Variants in MYT1L observed in about 807,000 individuals in gnomAD.
MYT1L encodes the protein myelin transcription factor 1 like, also known as myelin transcription factor 1-like protein.
Under a neutral mutation model 126.7 loss-of-function variants are expected in MYT1L, and 12 were observed. The observed-to-expected ratio is 0.09, with a 90% confidence interval of 0.06 to 0.15. The LOEUF (loss-of-function observed/expected upper bound fraction) is 0.15. Ranked by LOEUF, MYT1L falls within the 10% of genes least tolerant of loss-of-function variation. MYT1L has a pLI of 1.00. For synonymous variants in MYT1L, 541 were observed against 604.2 expected, an observed-to-expected ratio of 0.90 and a Z score of 1.53; for missense variants, 979 against 1,585.2, an observed-to-expected ratio of 0.62 and a Z score of 6.49.
At chr2:2,153,259 C>T (rs61549784) in intron 3 of MYT1L, among the ~76,000 whole-genome samples, 4,754 of 152,150 alleles carry the variant, frequency 0.031, 258 homozygotes, top group African/African-American at 0.1. Flanking sequence ...CGAGACCCTG[C>T]CTCAAAAAAC....
At chr2:2,008,106 C>CT (rs1345016024) in intron 4 of MYT1L, among the ~76,000 whole-genome samples, 1 of 152,212 alleles carries the variant, frequency 6.6e-6, no homozygotes, top group Non-Finnish European at 1.5e-5. Context: ...ATAGATGACT[C>CT]TGTCACTCCT....
chr2:1,981,170 C>T (rs946863474), intron 5 of MYT1L, among the ~76,000 whole-genome samples: 4 of 152,242 alleles, frequency 2.6e-5, no homozygotes, highest in Admixed American at 1.3e-4. Context: ...ATGTTTATAG[C>T]AACTAACCAG....
At chr2:2,238,956 A>G (rs1221969773) in intron 2 of MYT1L, among the ~76,000 whole-genome samples, 2 of 152,218 alleles carry the variant, frequency 1.3e-5, no homozygotes, top group South Asian at 2.1e-4. Context: ...GCCTGCACAA[A>G]GAGTGAGAAC....
At chr2:2,328,080 A>G (rs2149740449) in intron 1 of MYT1L, among the ~76,000 whole-genome samples, 1 of 152,322 alleles carries the variant, frequency 6.6e-6, no homozygotes, top group Non-Finnish European at 1.5e-5. Flanking sequence ...AAAAATTATA[A>G]ATGTAAAGTA....
At chr2:2,288,961 C>T (rs1313667777) in intron 1 of MYT1L, among the ~76,000 whole-genome samples, 2 of 152,178 alleles carry the variant, frequency 1.3e-5, no homozygotes, top group Non-Finnish European at 2.9e-5. Flanking sequence ...AGATAATTAT[C>T]CTGTTAAAAA....
chr2:2,076,894 A>G (rs999064569), intron 3 of MYT1L, among the ~76,000 whole-genome samples: 2 of 152,184 alleles, frequency 1.3e-5, no homozygotes, highest in African/African-American at 4.8e-5. Context: ...ACTTTAAACT[A>G]ATTATTATAA....
chr2:2,164,414 G>A (rs1299263957), intron 3 of MYT1L, among the ~76,000 whole-genome samples: 1 of 152,132 alleles, frequency 6.6e-6, no homozygotes, highest in Non-Finnish European at 1.5e-5. Flanking sequence ...CTGTTTGGAT[G>A]AGGGTGGCTT....
intron 18 of MYT1L, among the ~76,000 whole-genome samples, chr2:1,863,100 T>TGG (rs1419182967): frequency 1.3e-5 from 2 of 152,148 alleles, no homozygotes; most frequent in Non-Finnish European, 2.9e-5. Flanking sequence ...ATGGAGATGG[T>TGG]GGTAGCTTTG....
intron 2 of MYT1L, among the ~76,000 whole-genome samples, chr2:2,205,931 G>A (rs1481133677): frequency 1.3e-5 from 2 of 151,278 alleles, no homozygotes; most frequent in Admixed American, 6.6e-5. Flanking sequence ...TATCAAAGTC[G>A]TCACAATTTT....
chr2:2,189,027 C>T (rs577493581), intron 2 of MYT1L, among the ~76,000 whole-genome samples: 1 of 152,302 alleles, frequency 6.6e-6, no homozygotes, highest in African/African-American at 2.4e-5. Flanking sequence ...CCTTCCTCCC[C>T]AGCGTAGCCA....
At chr2:2,248,885 GC>G (rs1358825460) in intron 2 of MYT1L, among the ~76,000 whole-genome samples, 2 of 152,032 alleles carry the variant, frequency 1.3e-5, no homozygotes, top group Non-Finnish European at 2.9e-5. Context: ...CATAAGAAAA[GC>G]CATGTATGAC....
At chr2:2,323,467 C>A (rs2096204120) in intron 1 of MYT1L, among the ~76,000 whole-genome samples, 1 of 152,108 alleles carries the variant, frequency 6.6e-6, no homozygotes, top group Admixed American at 6.5e-5. Context: ...AAATGAAAAA[C>A]CTTGCCTTTT....
At chr2:2,092,903 C>T (rs999631296) in intron 3 of MYT1L, among the ~76,000 whole-genome samples, 11 of 152,200 alleles carry the variant, frequency 7.2e-5, no homozygotes, top group African/African-American at 2.2e-4. Context: ...GACCGGGCAT[C>T]GCCCTGCCCT....
At chr2:2,272,259 C>T (rs934804105) in intron 2 of MYT1L, among the ~76,000 whole-genome samples, 2 of 152,166 alleles carry the variant, frequency 1.3e-5, no homozygotes, top group African/African-American at 4.8e-5. Flanking sequence ...CCCAACACTG[C>T]TGGGTTCCAG....
At chr2:1,881,023 GGTT>G (rs2047466764) in intron 18 of MYT1L, among the ~76,000 whole-genome samples, 2 of 152,226 alleles carry the variant, frequency 1.3e-5, no homozygotes, top group South Asian at 4.1e-4. Flanking sequence ...TCGATGTGGT[GGTT>G]GTTTTGTTTT....
At chr2:2,176,664 A>G (rs1376767546) in intron 2 of MYT1L, among the ~76,000 whole-genome samples, 2 of 152,010 alleles carry the variant, frequency 1.3e-5, no homozygotes, top group African/African-American at 4.8e-5. Context: ...ACACCCAGCT[A>G]ATTTTTATAG....
chr2:2,087,516 T>G (rs1237702887), intron 3 of MYT1L, among the ~76,000 whole-genome samples: 1 of 152,166 alleles, frequency 6.6e-6, no homozygotes, highest in Non-Finnish European at 1.5e-5. Flanking sequence ...CACACAGCAT[T>G]TGGCAAATTG....
At chr2:2,177,363 G>C (rs554558924) in intron 2 of MYT1L, among the ~76,000 whole-genome samples, 1 of 152,166 alleles carries the variant, frequency 6.6e-6, no homozygotes, top group Non-Finnish European at 1.5e-5. Flanking sequence ...GATTATTTGT[G>C]GTAAATAGGC....
At chr2:2,069,529 T>C (rs144496629) in intron 3 of MYT1L, among the ~76,000 whole-genome samples, 3,657 of 152,222 alleles carry the variant, frequency 0.024, 130 homozygotes, top group African/African-American at 0.08. Flanking sequence ...CCACAATAAA[T>C]GTAGGTGTGC....
Sources: gnomAD v4.1 joint callset for allele counts (sites outside exome capture counted in the v4.1 genomes callset) on GRCh38, gnomAD v4.1.1 for gene constraint, MANE v1.5 for transcripts, NCBI Gene and HGNC (gene_info 2026-07-23, HGNC 2026-07-21) for gene names.